Variants in CAMTA1 observed in about 807,000 individuals in gnomAD.
The protein encoded by CAMTA1 is calmodulin binding transcription activator 1, also known as calmodulin-binding transcription activator 1.
Under a neutral mutation model 170.9 loss-of-function variants are expected in CAMTA1, and 27 were observed. That is an observed-to-expected ratio of 0.16 (90% confidence interval 0.12 to 0.22). The LOEUF (loss-of-function observed/expected upper bound fraction) is 0.22, where lower values mean the gene tolerates loss of function less well. CAMTA1 is among the 10% of genes least tolerant of loss of function. The pLI is 1.00. For synonymous variants in CAMTA1, 833 were observed against 891.5 expected (o/e 0.93, Z 1.17); for missense variants, 1,619 against 2,217.2 (o/e 0.73, Z 5.42).
At position 7,034,899 on chromosome 1, in the gene CAMTA1, CATAGTTTTAAAAA is replaced by C. The variant is rs775823758; in HGVS notation, c.235-56403_235-56391del. Among the ~76,000 whole-genome samples the C allele has an allele frequency of 5.3e-5, 8 of 152,190 alleles. No individual in the cohort carries two copies. The Middle Eastern group carries it at 0.02, about 388-fold the overall frequency. On this transcript the variant is annotated intron_variant, in intron 3 of 22. Transcript: ENST00000303635. ...TGCCAAATACCTGCATCTAAAGAAC[CATAGTTTTAAAAA>C]AAATCAGTTGTTTTTTTTAAAATAA...
chr1:7,393,599 T>G (rs1176225134), intron 5 of CAMTA1, among the ~76,000 whole-genome samples: 1 of 152,184 alleles, frequency 6.6e-6, no homozygotes, highest in Non-Finnish European at 1.5e-5. Context: ...TTGTACATGT[T>G]TATGGGATAC....
intron 5 of CAMTA1, among the ~76,000 whole-genome samples, chr1:7,337,627 G>A (rs1346147355): frequency 2.0e-5 from 3 of 151,886 alleles, no homozygotes; most frequent in Non-Finnish European, 2.9e-5. Context: ...TGTGGGCGGT[G>A]GGCCTCATCC....
chr1:7,763,597 C>A (rs1333658868), intron 22 of CAMTA1, among the ~76,000 whole-genome samples: 1 of 152,142 alleles, frequency 6.6e-6, no homozygotes, highest in Non-Finnish European at 1.5e-5. Context: ...GAAAAAACTG[C>A]AAAAACAAAT....
At chr1:7,602,591 CT>C (rs1174132230) in intron 6 of CAMTA1, among the ~76,000 whole-genome samples, 3 of 152,150 alleles carry the variant, frequency 2.0e-5, no homozygotes, top group Non-Finnish European at 4.4e-5. Context: ...TTTTGTTGAT[CT>C]TTTCAAAAAA....
chr1:7,584,212 G>A lies in CAMTA1; in HGVS notation c.511-56188G>A, dbSNP rs549602111. ...TGACTGTAGGTTCAGGGACCACCAT[G>A]GGGTCTTACAGTAGGGGAGAGAGAT... On this transcript the variant is annotated intron_variant, in intron 6 of 22. Coordinates refer to ENST00000303635, the MANE Select transcript of CAMTA1 (RefSeq NM_015215.4). Among the ~76,000 whole-genome samples the A allele has an allele frequency of 4.6e-5, 7 of 152,216 alleles. No individual in the cohort carries two copies. The South Asian group carries it at 8.3e-4, about 18-fold the overall frequency.
chr1:6,945,547 C>G (rs1260760008), intron 3 of CAMTA1, among the ~76,000 whole-genome samples: 1 of 152,014 alleles, frequency 6.6e-6, no homozygotes, highest in Non-Finnish European at 1.5e-5. Context: ...TGGGGTTTCG[C>G]CAGGTTGCCC....
At chr1:7,393,601 A>G (rs909591930) in intron 5 of CAMTA1, among the ~76,000 whole-genome samples, 2 of 152,064 alleles carry the variant, frequency 1.3e-5, no homozygotes, top group Non-Finnish European at 2.9e-5. Context: ...GTACATGTTT[A>G]TGGGATACAG....
Position 7,746,049 on chromosome 1 carries a change from T to C in CAMTA1, c.4575T>C (p.Tyr1525=). 6.2e-7 allele frequency: 1 copy of C among 1,614,244 alleles called. No individual in the cohort carries two copies. Among genetic ancestry groups the C allele is most frequent in the Non-Finnish European group, 8.5e-7 (1 of 1,180,044 alleles). ...TLSDHEQREL[Y]EAARLVQTAF... is the part of the protein sequence containing the mutation. ...CTGATCATGAACAGAGAGAACTCTA[T>C]GAGGCTGCCAGGCTTGTCCAGACAG... The change falls in exon 18 of 23, where the codon TAT becomes TAC. Residue 1525 remains tyrosine, a synonymous_variant. Coordinates refer to ENST00000303635, the MANE Select transcript of CAMTA1 (RefSeq NM_015215.4).
chr1:7,712,934 G>C (rs1343149679), intron 11 of CAMTA1, among the ~76,000 whole-genome samples: 2 of 152,130 alleles, frequency 1.3e-5, no homozygotes, highest in Non-Finnish European at 2.9e-5. Context: ...TCACTATCAC[G>C]AGAACAGCAG....
At position 7,592,555 on chromosome 1, in the gene CAMTA1, G is replaced by T. The variant is rs943997764; in HGVS notation, c.511-47845G>T. Among the ~76,000 whole-genome samples, 8 of 152,204 alleles carry T rather than the reference G, an allele frequency of 5.3e-5. No homozygotes were observed. Among genetic ancestry groups the T allele is most frequent in the African/African-American group, 1.9e-4 (8 of 41,454 alleles). ...GGGGTCCTCTGATGACCAGGGCAGG[G>T]ACTCTTAGGGACACAGGGCCGTGGG... On this transcript the variant is annotated intron_variant, in intron 6 of 22. Transcript: ENST00000303635. This position sits in a 1 kb window ranked among gnomAD's most constrained non-coding sequence, Gnocchi z 4.6.
chr1:7,329,055 A>G (rs1035884205), intron 5 of CAMTA1, among the ~76,000 whole-genome samples: 18 of 152,200 alleles, frequency 1.2e-4, no homozygotes, highest in Non-Finnish European at 2.4e-4. Context: ...GACAAAATCA[A>G]AATGCCTTAA....
intron 6 of CAMTA1, among the ~76,000 whole-genome samples, chr1:7,636,944 A>T (rs2095716792): frequency 6.6e-6 from 1 of 152,236 alleles, no homozygotes; most frequent in African/African-American, 2.4e-5. Context: ...ACAAAGCCAA[A>T]TGCCACCCTA....
In CAMTA1 at chr1:7,656,609, T is replaced by C. The variant is rs574908184; in HGVS notation, c.665-5117T>C. Among the ~76,000 whole-genome samples the C allele has an allele frequency of 5.3e-5, 8 of 152,372 alleles. No homozygotes were observed. In the South Asian group the frequency reaches 1.5e-3, roughly 28 times the overall value. On this transcript the variant is annotated intron_variant, in intron 7 of 22. Transcript: ENST00000303635. ...TACCGTGGCTCAGGCTTAGCCTGTG[T>C]AGCTGAAGCTCTCCGCCGCTTCCCA...
At chr1:7,204,321 GAGA>G (rs1657275111) in intron 4 of CAMTA1, among the ~76,000 whole-genome samples, 1 of 151,988 alleles carries the variant, frequency 6.6e-6, no homozygotes, top group Non-Finnish European at 1.5e-5. Context: ...ATTTTTGGGG[GAGA>G]AGAAGTTTCA....
At chr1:7,739,285 T>A (rs1174410672) in intron 16 of CAMTA1, among the ~76,000 whole-genome samples, 2 of 152,146 alleles carry the variant, frequency 1.3e-5, no homozygotes, top group Non-Finnish European at 2.9e-5. Flanking sequence ...GGGAGGTGTG[T>A]GGAGGAGATC....
chr1:7,293,518 G>A lies in CAMTA1; in HGVS notation c.438+43892G>A, dbSNP rs181106672. ...CCATGATCCATGTGCATGTGTTCCCGGTTTTGTTTGTCATTTGCTTTCTTG... is the reference window on the plus strand; with the variant it reads ...CCATGATCCATGTGCATGTGTTCCCAGTTTTGTTTGTCATTTGCTTTCTTG... On this transcript the variant is annotated intron_variant, in intron 5 of 22. Transcript: ENST00000303635. The surrounding 1 kb of genome is among the most constrained non-coding windows in gnomAD (Gnocchi z 4.1). Among the ~76,000 whole-genome samples the A allele has an allele frequency of 3.9e-5, 6 of 152,272 alleles. No homozygotes were observed. The highest frequency in any genetic ancestry group is 3.9e-4 in the East Asian group (2 of 5,178).
intron 3 of CAMTA1, among the ~76,000 whole-genome samples, chr1:6,995,295 C>CTTTTCTTTTTTTTTTTTTTTTTTTTTT (rs1697047615): frequency 1.2e-4 from 7 of 60,618 alleles, no homozygotes; most frequent in Admixed American, 5.1e-4. Context: ...TTTTTCTTTT[C>CTTTTCTTTTTTTTTTTTTTTTTTTTTT]TTTTTTTTTT....
chr1:7,121,302 A>G (rs887079324), intron 4 of CAMTA1, among the ~76,000 whole-genome samples: 2 of 152,244 alleles, frequency 1.3e-5, no homozygotes, highest in African/African-American at 4.8e-5. Flanking sequence ...GTGGGATCCC[A>G]GTAGGGCATT....
chr1:7,129,952 TGTGA>T (rs1040857002), intron 4 of CAMTA1, among the ~76,000 whole-genome samples: 9 of 144,996 alleles, frequency 6.2e-5, no homozygotes, highest in Non-Finnish European at 9.1e-5. Context: ...TGTGTGTGTG[TGTGA>T]GATGGAGTTT....
Sources: allele counts gnomAD v4.1 joint callset (sites outside exome capture counted in the v4.1 genomes callset), GRCh38; gene constraint gnomAD v4.1.1; non-coding constraint Gnocchi (gnomAD v3.1); transcripts MANE v1.5; gene names NCBI Gene and HGNC (gene_info 2026-07-23, HGNC 2026-07-21).